Variants in CPB2 observed in about 807,000 individuals in gnomAD.
CPB2 encodes the protein carboxypeptidase B-like protein.
In CPB2, 54 loss-of-function variants were observed where a neutral mutation model predicts 57.0. The observed-to-expected ratio is 0.95, with a 90% confidence interval of 0.76 to 1.19. CPB2 has a LOEUF of 1.19. CPB2 is among the 50% of genes most tolerant of loss of function. The probability of loss-of-function intolerance (pLI) is 0.00; values close to 1 mark genes in which losing one functional copy is unlikely to be tolerated. For synonymous variants in CPB2, 189 were observed against 178.1 expected (o/e 1.06, Z -0.49); for missense variants, 426 against 512.0 (o/e 0.83, Z 1.62).
At chr13:46,084,893 C>G (rs996010975) in intron 2 of CPB2, among the ~76,000 whole-genome samples, 48 of 151,254 alleles carry the variant, frequency 3.2e-4, no homozygotes, top group African/African-American at 1.1e-3. Context: ...GGCTGTCTCC[C>G]AGGCTGGAGT....
rs756515945 is a variant in CPB2 at position 46,082,591 on chromosome 13, G to A, written c.276-42C>T. The A allele has an allele frequency of 4.4e-6, 6 of 1,369,504 alleles. No individual in the cohort carries two copies. The Admixed American group carries it at 1.0e-4, about 23-fold the overall frequency. 84.8% of individuals were successfully genotyped at this position (1,369,504 alleles called of 1,614,324 possible). A position where few individuals can be genotyped will look rare whatever the true frequency, so the allele number is the denominator to read the frequency against. ...AGAGTGAGCTAGTTTCCAAGCAGAG[G>A]GTGGATCTTCCCACATGGCCCATTG... On this transcript the variant is annotated intron_variant, in intron 3 of 10. Coordinates refer to ENST00000181383, the MANE Select transcript of CPB2 (RefSeq NM_001872.5).
intron 4 of CPB2, among the ~76,000 whole-genome samples, chr13:46,082,084 T>C (rs957771343): frequency 3.3e-5 from 5 of 152,182 alleles, no homozygotes; most frequent in Non-Finnish European, 7.3e-5. Context: ...TTAGTAAAAT[T>C]AGGGTAATGG....
rs2044991099 is a variant in CPB2 at position 46,074,432 on chromosome 13, TTTATGTGGA to T, written c.487-464_487-456del. Among the ~76,000 whole-genome samples, 4 of 147,300 alleles carry T rather than the reference TTTATGTGGA, an allele frequency of 2.7e-5. No individual in the cohort carries two copies. In the South Asian group the frequency reaches 8.5e-4, roughly 31 times the overall value. On this transcript the variant is annotated intron_variant, in intron 5 of 10. Transcript: ENST00000181383. ...GATTTTCCTGAGTGCATATTTTTTT[TTTATGTGGA>T]TTATTTCTTTATTTCACACAAAAAG...
chr13:46,091,244 A>G (rs1019421467), intron 1 of CPB2, among the ~76,000 whole-genome samples: 2 of 152,146 alleles, frequency 1.3e-5, no homozygotes, highest in Non-Finnish European at 2.9e-5. Context: ...ATCTGCACAC[A>G]CTATTAGGTT....
At chr13:46,086,245 G>A (rs1343527177) in intron 2 of CPB2, among the ~76,000 whole-genome samples, 2 of 152,274 alleles carry the variant, frequency 1.3e-5, no homozygotes, top group East Asian at 1.9e-4. Context: ...CAAGCAAGGG[G>A]CGTGTTTCAG....
intron 10 of CPB2, 110 bp from the exon 11 acceptor site, chr13:46,053,908 TCA>T (rs1225915483): frequency 9.0e-7 from 1 of 1,106,364 alleles, no homozygotes; most frequent in Non-Finnish European, 1.3e-6. Flanking sequence ...TAGATTTTTT[TCA>T]GTTTTTAACT....
In CPB2 at chr13:46,053,386, AAGT is replaced by A. The variant is rs2044609230; in HGVS notation, c.*225_*227del. The A allele has an allele frequency of 2.0e-6, 1 of 494,120 alleles. No homozygotes were observed. Among genetic ancestry groups the A allele is most frequent in the Admixed American group, 4.1e-5 (1 of 24,658 alleles). 30.6% of individuals were successfully genotyped at this position (494,120 alleles called of 1,614,324 possible). On this transcript the variant is annotated 3_prime_UTR_variant, in exon 11 of 11. Coordinates refer to ENST00000181383, the MANE Select transcript of CPB2 (RefSeq NM_001872.5). Reference sequence around the variant, plus strand: ...AGTCAAACGTCGAAAATCAAAGAAAAAGTAGGTAACTAGACTTTTACAATTTTT... The same window carrying A: ...AGTCAAACGTCGAAAATCAAAGAAAAAGGTAACTAGACTTTTACAATTTTT...
chr13:46,082,235 T>C (rs1400994331), intron 4 of CPB2, among the ~76,000 whole-genome samples: 18 of 152,206 alleles, frequency 1.2e-4, no homozygotes, highest in Admixed American at 1.1e-3. Flanking sequence ...TAGACAAACA[T>C]CCTGCAGTTT....
intron 9 of CPB2, among the ~76,000 whole-genome samples, chr13:46,056,832 C>A (rs11574993): frequency 0.028 from 4,282 of 152,260 alleles, 93 homozygotes; most frequent in Non-Finnish European, 0.043. Flanking sequence ...TTTTTCCCCC[C>A]CTTAATAGAT....
Position 46,082,495 on chromosome 13 carries a change from T to G in CPB2, c.330A>C (p.Thr110=), listed in dbSNP as rs202112492. 6.2e-7 allele frequency: 1 copy of G among 1,613,882 alleles called. No homozygotes were observed. The highest frequency in any genetic ancestry group is 1.3e-5 in the African/African-American group (1 of 75,040). ...DLIQQQISND[T]VSPRASASYY... is the part of the protein sequence containing the mutation. The stretch of plus-strand genomic sequence containing the variant: ...ACGATGCGGAGGCTCGGGGGCTGAC[T>G]GTGTCGTTGGAAATCTGCTGTTGAA... The change falls in exon 4 of 11, where the codon ACA becomes ACC. Residue 110 remains threonine, a synonymous_variant. Transcript: ENST00000181383.
At chr13:46,055,350 C>G (rs1454735079) in intron 10 of CPB2, among the ~76,000 whole-genome samples, 2 of 152,166 alleles carry the variant, frequency 1.3e-5, no homozygotes, top group Admixed American at 6.5e-5. Context: ...ATGAGCTATA[C>G]TCTTGGGAAC....
intron 5 of CPB2, among the ~76,000 whole-genome samples, chr13:46,075,433 A>G (rs11618062): frequency 0.34 from 52,305 of 152,176 alleles, 9,226 homozygotes; most frequent in African/African-American, 0.39. Flanking sequence ...TTGATCAAGT[A>G]AGAGTAGGAC....
At chr13:46,068,309 C>G (rs1190523418) in intron 6 of CPB2, among the ~76,000 whole-genome samples, 4 of 152,008 alleles carry the variant, frequency 2.6e-5, no homozygotes. Context: ...TAAAAACAAG[C>G]CTTTTATAAA....
chr13:46,067,033 A>C (rs2044866541), intron 7 of CPB2, among the ~76,000 whole-genome samples: 1 of 152,040 alleles, frequency 6.6e-6, no homozygotes, highest in Non-Finnish European at 1.5e-5. Flanking sequence ...TTACTTCAAA[A>C]TAAAATGAGT....
At chr13:46,090,611 C>G (rs1455752759) in intron 1 of CPB2, among the ~76,000 whole-genome samples, 7 of 151,860 alleles carry the variant, frequency 4.6e-5, no homozygotes, top group African/African-American at 1.7e-4. Context: ...ATCCACCCGC[C>G]TCAGCCTCCC....
intron 1 of CPB2, among the ~76,000 whole-genome samples, chr13:46,095,441 C>G (rs987223280): frequency 6.6e-6 from 1 of 152,160 alleles, no homozygotes; most frequent in Non-Finnish European, 1.5e-5. Context: ...CATCTGGATC[C>G]CACAAAAACC....
intron 5 of CPB2, among the ~76,000 whole-genome samples, chr13:46,075,712 C>T (rs576870728): frequency 2.0e-5 from 3 of 152,230 alleles, no homozygotes; most frequent in African/African-American, 7.2e-5. Context: ...AAGAGGCTCA[C>T]CTATCACAAT....
chr13:46,093,547 A>G (rs190460060), intron 1 of CPB2, among the ~76,000 whole-genome samples: 125 of 152,298 alleles, frequency 8.2e-4, no homozygotes, highest in African/African-American at 2.8e-3. Context: ...AATGAGTTTG[A>G]TTTATAACAG....
At chr13:46,086,212 CCTT>C (rs1341287659) in intron 2 of CPB2, among the ~76,000 whole-genome samples, 2 of 152,160 alleles carry the variant, frequency 1.3e-5, no homozygotes, top group East Asian at 1.9e-4. Context: ...GCTCTTCTCT[CCTT>C]CTTGTCACCC....
Sources: allele counts gnomAD v4.1 joint callset (sites outside exome capture counted in the v4.1 genomes callset), GRCh38; gene constraint gnomAD v4.1.1; transcripts MANE v1.5; gene names NCBI Gene and HGNC (gene_info 2026-07-23, HGNC 2026-07-21).